The following SPATA22 variants were observed in gnomAD, a reference collection of about 807,000 sequenced individuals.
SPATA22 encodes spermatogenesis-associated protein 22.
SPATA22 carries 29 observed loss-of-function variants against 47.8 expected under a neutral mutation model. The ratio of observed to expected loss-of-function variants is 0.61; its 90% CI spans 0.45 to 0.83. The LOEUF is 0.83. Ranked by LOEUF, SPATA22 falls within the 40% of genes least tolerant of loss-of-function variation. SPATA22 has a pLI of 0.00. For synonymous variants in SPATA22, 133 were observed against 140.9 expected, an observed-to-expected ratio of 0.94 and a Z score of 0.40; for missense variants, 410 against 421.7, an observed-to-expected ratio of 0.97 and a Z score of 0.24.
At chr17:3,504,115 C>G (rs576293333) in intron 1 of SPATA22, among the ~76,000 whole-genome samples, 2 of 152,270 alleles carry the variant, frequency 1.3e-5, no homozygotes, top group African/African-American at 2.4e-5. Flanking sequence ...ACCTCCCACC[C>G]CACCTCAGAC....
intron 1 of SPATA22, among the ~76,000 whole-genome samples, chr17:3,495,852 C>A (rs1257063169): frequency 2.0e-5 from 3 of 152,188 alleles, no homozygotes; most frequent in African/African-American, 7.2e-5. Flanking sequence ...CAGGCATGAG[C>A]CACCTTGCCC....
intron 1 of SPATA22, among the ~76,000 whole-genome samples, chr17:3,482,056 G>T (rs2073640887): frequency 6.6e-6 from 1 of 152,132 alleles, no homozygotes; most frequent in Non-Finnish European, 1.5e-5. Flanking sequence ...GTGGATTCTT[G>T]TGTCTATAAA....
At chr17:3,491,112 G>A (rs2073817194) in intron 1 of SPATA22, among the ~76,000 whole-genome samples, 1 of 152,124 alleles carries the variant, frequency 6.6e-6, no homozygotes, top group South Asian at 2.1e-4. Flanking sequence ...TTAGTGACTT[G>A]GATAAAGACA....
chr17:3,469,519 G>A, intron 1 of SPATA22, 121 bp from the exon 2 acceptor site: 1 of 511,028 alleles, frequency 2.0e-6, no homozygotes, highest in Non-Finnish European at 3.4e-6. Flanking sequence ...AACACTTTAG[G>A]GAGTCCTTTG....
intron 7 of SPATA22, among the ~76,000 whole-genome samples, chr17:3,444,089 G>A (rs1017230516): frequency 2.0e-5 from 3 of 151,822 alleles, no homozygotes; most frequent in Non-Finnish European, 2.9e-5. Context: ...CCTATAAAAC[G>A]CAAATTGTAA....
chr17:3,471,557 A>G, intron 1 of SPATA22, 125 bp downstream of exon 1: 1 of 985,432 alleles, frequency 1.0e-6, no homozygotes, highest in Non-Finnish European at 1.2e-6. Flanking sequence ...CACGGCCTCA[A>G]ATGGCGGCCT....
chr17:3,448,702 G>A, intron 6 of SPATA22, 105 bp downstream of exon 6: 4 of 787,162 alleles, frequency 5.1e-6, no homozygotes, highest in Non-Finnish European at 5.9e-6. Flanking sequence ...AGTAATGTAT[G>A]TCATGGAATT....
In SPATA22 at chr17:3,467,605, C is replaced by G; in HGVS notation, c.44-51G>C. 3 of 1,484,710 alleles carry G rather than the reference C, an allele frequency of 2.0e-6. No individual in the cohort carries two copies. In the South Asian group the frequency reaches 4.1e-5, roughly 20 times the overall value. The allele number at this position is 1,484,710 out of a possible 1,614,324, so 92.0% of individuals were successfully genotyped here. On this transcript the variant is annotated intron_variant, in intron 2 of 8. Transcript: ENST00000572969. ...GTACATAATAGACAAATAAGCAGAT[C>G]TAGTTGTAAAATAATTACTAGTATA...
chr17:3,452,030 C>G (rs2150706428), intron 5 of SPATA22, among the ~76,000 whole-genome samples: 1 of 149,588 alleles, frequency 6.7e-6, no homozygotes, highest in Admixed American at 6.6e-5. Context: ...AATCATTGAT[C>G]AAAGAGGGAA....
intron 3 of SPATA22, 79 bp from the exon 4 acceptor site, chr17:3,462,846 T>G (rs1359138089): frequency 3.0e-5 from 35 of 1,185,952 alleles, no homozygotes; most frequent in Non-Finnish European, 4.1e-5. Flanking sequence ...TTATTTAATT[T>G]GGAGGGTTTA....
rs2073711528 is a variant in SPATA22 at position 3,485,934 on chromosome 17, C to CCCTT, written c.-73-16537_-73-16536insAAGG. 7.0e-6 allele frequency among the ~76,000 whole-genome samples: 1 copy of CCCTT among 142,392 alleles called. No individual in the cohort carries two copies. The allele number at this position is 142,392 out of a possible 152,430, so 93.4% of individuals were successfully genotyped here. On this transcript the variant is annotated intron_variant, in intron 1 of 8. Transcript: ENST00000541913. The surrounding 1 kb of genome is among the most constrained non-coding windows in gnomAD (Gnocchi z 4.4). ...CAGTGGTTGCATTCTAGGAGGGAACCTTTTTTTTTTTTTTTGAGACGGAGT... is the reference window on the plus strand; with the variant it reads ...CAGTGGTTGCATTCTAGGAGGGAACCCCTTTTTTTTTTTTTTTTTGAGACGGAGT...
intron 3 of SPATA22, among the ~76,000 whole-genome samples, chr17:3,465,789 T>TAAAAAAAA (rs372510663): frequency 9.4e-6 from 1 of 105,900 alleles, no homozygotes; most frequent in Non-Finnish European, 2.6e-5. Flanking sequence ...AAATAAAAAT[T>TAAAAAAAA]TAAAAAACAA....
Position 3,464,924 on chromosome 17 carries a change from G to A in SPATA22, c.173-2157C>T, listed in dbSNP as rs181666606. On this transcript the variant is annotated intron_variant, in intron 3 of 8. Coordinates refer to ENST00000572969, the MANE Select transcript of SPATA22 (RefSeq NM_001170698.2). The stretch of plus-strand genomic sequence containing the variant: ...CAGCCCCCCACCCGGCCAGCCGCCC[G>A]GTCTGGGAGGTGAGGGGCGCCTCTG... 1.7e-4 allele frequency among the ~76,000 whole-genome samples: 14 copies of A among 83,874 alleles called. 1 individual carries two copies. Among genetic ancestry groups the A allele is most frequent in the African/African-American group, 4.2e-4 (12 of 28,350 alleles). The allele number at this position is 83,874 out of a possible 152,430, so 55.0% of individuals were successfully genotyped here.
Position 3,440,444 on chromosome 17 carries a change from A to G in SPATA22, c.901-106T>C, listed in dbSNP as rs558544925. 250 of 945,500 alleles carry G rather than the reference A, an allele frequency of 2.6e-4. No homozygotes were observed. The African/African-American group carries it at 3.5e-3, about 13-fold the overall frequency. The allele number at this position is 945,500 out of a possible 1,614,324, so 58.6% of individuals were successfully genotyped here. On this transcript the variant is annotated intron_variant, in intron 8 of 8. Coordinates refer to ENST00000572969, the MANE Select transcript of SPATA22 (RefSeq NM_001170698.2). ...TAAACATGTGCCACCTCAAAATGCT[A>G]TAATTCCTTCACGTGAGTCAGGGCC...
intron 1 of SPATA22, chr17:3,483,565 A>C: frequency 6.2e-7 from 1 of 1,613,994 alleles, no homozygotes; most frequent in South Asian, 1.1e-5. Context: ...ATATGCGACC[A>C]CTCGTTCCAT....
rs562311936 is a variant in SPATA22, at chr17:3,451,354, A to T, written c.330-2205T>A. ...TAAAAGGAAAAATTGACAGCAACAT[A>T]ATAAAAAAAAGAAAGCTCAATACTC... On this transcript the variant is annotated intron_variant, in intron 5 of 8. Transcript: ENST00000572969. 1.3e-4 allele frequency among the ~76,000 whole-genome samples: 20 copies of T among 152,304 alleles called. No individual in the cohort carries two copies. In the South Asian group the frequency reaches 3.3e-3, roughly 25 times the overall value.
chr17:3,498,140 A>G (rs2073938248), intron 1 of SPATA22, among the ~76,000 whole-genome samples: 1 of 152,146 alleles, frequency 6.6e-6, no homozygotes, highest in African/African-American at 2.4e-5. Flanking sequence ...CAGGTACAAC[A>G]TGGCTCATTT....
intron 5 of SPATA22, among the ~76,000 whole-genome samples, chr17:3,450,617 A>C (rs2072836443): frequency 6.6e-6 from 1 of 152,178 alleles, no homozygotes; most frequent in Non-Finnish European, 1.5e-5. Flanking sequence ...GGTACGTACC[A>C]TCACACGCAA....
At chr17:3,494,272 G>A in intron 1 of SPATA22, 1 of 1,125,004 alleles carries the variant, frequency 8.9e-7, no homozygotes, top group Non-Finnish European at 1.3e-6. Flanking sequence ...CCAAAGTGCT[G>A]GGATGACAGG....
Sources: gnomAD v4.1 joint callset for allele counts (sites outside exome capture counted in the v4.1 genomes callset) on GRCh38, gnomAD v4.1.1 for gene constraint, Gnocchi (gnomAD v3.1) non-coding constraint, MANE v1.5 for transcripts, NCBI Gene and HGNC (gene_info 2026-07-23, HGNC 2026-07-21) for gene names.